The following SEMA3F variants were observed in gnomAD, a reference collection of about 807,000 sequenced individuals.
SEMA3F encodes semaphorin 3F, also known as semaphorin-3F.
SEMA3F carries 30 observed loss-of-function variants against 98.5 expected under a neutral mutation model. That is an observed-to-expected ratio of 0.30 (90% confidence interval 0.23 to 0.41). The LOEUF (loss-of-function observed/expected upper bound fraction) is 0.41. Among genes scored for constraint, SEMA3F ranks in the 10% least tolerant of loss-of-function variants. SEMA3F has a pLI of 1.00. For missense variants in SEMA3F, 866 were observed against 1,119.3 expected (o/e 0.77, Z 3.23); for synonymous variants, 380 against 444.8 (o/e 0.85, Z 1.83).
chr3:50,171,520 C>G (rs1698603718), intron 2 of SEMA3F, among the ~76,000 whole-genome samples: 1 of 152,124 alleles, frequency 6.6e-6, no homozygotes. Context: ...CCATTGCCCC[C>G]AAAGTGCCCC....
In SEMA3F at chr3:50,186,306, C is replaced by T. The variant is rs755837175; in HGVS notation, c.1771C>T (p.His591Tyr). Reference protein sequence around the residue: ...KRRSRRQDVRHGNPIRQCRGF... With the variant: ...KRRSRRQDVRYGNPIRQCRGF... ...GCGGAGCCGCCGGCAGGACGTCCGG[C>T]ACGGAAACCCCATCAGGCAGTGCCG... The change falls in exon 17 of 19, where the codon CAC becomes TAC. Residue 591 changes from histidine to tyrosine, a missense_variant. Physicochemically the swap from His to Tyr is moderately conservative, Grantham distance 83. Transcript: ENST00000002829. 3.1e-6 allele frequency: 5 copies of T among 1,613,772 alleles called. No individual in the cohort carries two copies. The East Asian group carries it at 8.9e-5, about 29-fold the overall frequency.
At position 50,182,648 on chromosome 3, in the gene SEMA3F, G is replaced by A. The variant is rs373292743; in HGVS notation, c.768G>A (p.Pro256=). 24 of 1,611,634 alleles carry A rather than the reference G, an allele frequency of 1.5e-5. No individual in the cohort carries two copies. The highest frequency in any genetic ancestry group is 1.6e-4 in the Middle Eastern group (1 of 6,078). Residue 256 remains proline (P), a synonymous_variant, in exon 9 of 19, where the codon CCG becomes CCA. Transcript: ENST00000002829. The surrounding 1 kb of genome is among the most constrained non-coding windows in gnomAD (Gnocchi z 4.5). Reference sequence around the variant, plus strand: ...GCTGACCCCTGCCACCTGCAGACCCGTCGTTCATCCATGCTGAGCTCATTC... The same window carrying A: ...GCTGACCCCTGCCACCTGCAGACCCATCGTTCATCCATGCTGAGCTCATTC... ...DQYNSRWLND[P]SFIHAELIPD...
rs1300813115 is a variant in SEMA3F at position 50,156,252 on chromosome 3, G to A, written c.-49+688G>A. ...AACCAGGGGTCCCAGTGGTGAAGTG[G>A]GCAGGGGACAGCGGGGGCTTGGCGG... On this transcript the variant is annotated intron_variant, in intron 1 of 18. Transcript: ENST00000002829. This position sits in a 1 kb window ranked among gnomAD's most constrained non-coding sequence, Gnocchi z 4.5. Among the ~76,000 whole-genome samples the A allele has an allele frequency of 6.6e-6, 1 of 152,250 alleles. No homozygotes were observed. Among genetic ancestry groups the A allele is most frequent in the African/African-American group, 2.4e-5 (1 of 41,460 alleles).
At chr3:50,174,488 G>A (rs1047926760) in intron 5 of SEMA3F, 138 bp downstream of exon 5, 14 of 1,045,116 alleles carry the variant, frequency 1.3e-5, no homozygotes, top group African/African-American at 6.4e-5. Flanking sequence ...CTTTCACCTC[G>A]CTGAGCCTCA....
At chr3:50,171,017 C>T (rs1171347866) in intron 2 of SEMA3F, among the ~76,000 whole-genome samples, 2 of 152,194 alleles carry the variant, frequency 1.3e-5, no homozygotes, top group African/African-American at 4.8e-5. Context: ...AGCCATGGAC[C>T]TAGGTGGGAA....
At chr3:50,183,994 A>G (rs1699116706) in intron 12 of SEMA3F, among the ~76,000 whole-genome samples, 1 of 152,098 alleles carries the variant, frequency 6.6e-6, no homozygotes, top group African/African-American at 2.4e-5. Flanking sequence ...CTGATGTGGG[A>G]GCCTAAGCAG....
Position 50,183,221 on chromosome 3 carries a change from A to G in SEMA3F, c.1054A>G (p.Asn352Asp). 1 of 1,614,142 alleles carries G rather than the reference A, an allele frequency of 6.2e-7. No homozygotes were observed. The highest frequency in any genetic ancestry group is 8.5e-7 in the Non-Finnish European group (1 of 1,180,016). ...VFVQQTQDVR[N>D]PVIYAVFTSS... ...TGTCCAGCAGACCCAGGACGTGAGG[A>G]ACCCTGTCATTTACGCTGTCTTTAC... Residue 352 changes from asparagine to aspartate, a missense_variant, in exon 11 of 19, where the codon AAC becomes GAC. Physicochemically the swap from Asn to Asp is conservative, Grantham distance 23. Coordinates refer to ENST00000002829, the MANE Select transcript of SEMA3F (RefSeq NM_004186.5).
chr3:50,165,765 T>G (rs1698381251), intron 2 of SEMA3F, among the ~76,000 whole-genome samples: 1 of 152,188 alleles, frequency 6.6e-6, no homozygotes, highest in East Asian at 1.9e-4. Flanking sequence ...GTGCCAGAGC[T>G]TGGCAGGCCT....
At chr3:50,180,531 G>T (rs1254290703) in intron 7 of SEMA3F, among the ~76,000 whole-genome samples, 13 of 152,168 alleles carry the variant, frequency 8.5e-5, no homozygotes, top group Admixed American at 7.9e-4. Context: ...GCCATTGTGG[G>T]ATTATTAATT....
rs1242239993 is a variant in SEMA3F at position 50,186,699 on chromosome 3, A to G, written c.1900A>G (p.Thr634Ala). Reference protein sequence around the residue: ...LECQPRSPQATVKWLFQRDPG... With the variant: ...LECQPRSPQAAVKWLFQRDPG... ...GTGCCAGCCCCGCTCGCCCCAAGCC[A>G]CTGTTAAGTGGCTGTTCCAGCGAGA... is the stretch of plus-strand genomic sequence containing the variant. Residue 634 changes from threonine (T) to alanine (A), a missense_variant, in exon 18 of 19, where the codon ACT becomes GCT. Physicochemically the swap from Thr to Ala is moderately conservative, Grantham distance 58. Coordinates refer to ENST00000002829, the MANE Select transcript of SEMA3F (RefSeq NM_004186.5). 1.2e-6 allele frequency: 2 copies of G among 1,609,520 alleles called. No homozygotes were observed. The highest frequency in any genetic ancestry group is 2.7e-5 in the African/African-American group (2 of 74,840).
At chr3:50,165,333 T>G (rs895493184) in intron 2 of SEMA3F, among the ~76,000 whole-genome samples, 1 of 152,322 alleles carries the variant, frequency 6.6e-6, no homozygotes, top group Non-Finnish European at 1.5e-5. Context: ...TTAAGCTCTT[T>G]TTCCTCATGG....
In SEMA3F at chr3:50,182,814, C is replaced by A. The variant is rs1559735989; in HGVS notation, c.903+31C>A. ...CATTGGCAGAGCCACCAGGCTGCCC[C>A]TTCCACCAGTTCTGGCTTCATCAGC... On this transcript the variant is annotated intron_variant, in intron 9 of 18. Coordinates refer to ENST00000002829, the MANE Select transcript of SEMA3F (RefSeq NM_004186.5). The surrounding 1 kb of genome is among the most constrained non-coding windows in gnomAD (Gnocchi z 4.5). 4 of 1,611,466 alleles carry A rather than the reference C, an allele frequency of 2.5e-6. No homozygotes were observed. Among genetic ancestry groups the A allele is most frequent in the Non-Finnish European group, 3.4e-6 (4 of 1,178,882 alleles).
chr3:50,183,646 C>T, intron 12 of SEMA3F, 82 bp downstream of exon 12: 1 of 1,463,000 alleles, frequency 6.8e-7, no homozygotes, highest in Non-Finnish European at 9.4e-7. Context: ...ACATGGGCCC[C>T]ACCATCATGG....
At chr3:50,176,948 G>T (rs936424862) in intron 7 of SEMA3F, 87 bp downstream of exon 7, 5 of 1,104,658 alleles carry the variant, frequency 4.5e-6, no homozygotes, top group Admixed American at 1.7e-5. Flanking sequence ...TTACCCAAGG[G>T]CAGAGACCAT....
At position 50,188,292 on chromosome 3, in the gene SEMA3F, A is replaced by C; in HGVS notation, c.*177A>C. On this transcript the variant is annotated 3_prime_UTR_variant, in exon 19 of 19. Coordinates refer to ENST00000002829, the MANE Select transcript of SEMA3F (RefSeq NM_004186.5). This position sits in a 1 kb window ranked among gnomAD's most constrained non-coding sequence, Gnocchi z 4.5. Reference sequence around the variant, plus strand: ...CTGCCTCAGTGGCAGCATCCTCCAAAACTTAGACCCATGCTGGTCAGAGAC... The same window carrying C: ...CTGCCTCAGTGGCAGCATCCTCCAACACTTAGACCCATGCTGGTCAGAGAC... 1.9e-5 allele frequency: 4 copies of C among 211,424 alleles called. No homozygotes were observed. The highest frequency in any genetic ancestry group is 1.1e-4 in the East Asian group (1 of 8,756). The allele number at this position is 211,424 out of a possible 1,614,324, so 13.1% of individuals were successfully genotyped here. A position where few individuals can be genotyped will look rare whatever the true frequency, so the allele number is the denominator to read the frequency against.
In SEMA3F at chr3:50,156,308, A is replaced by G. The variant is rs1697980239; in HGVS notation, c.-49+744A>G. ...CCCCCAGCAGATGGGACAGGAGGGT[A>G]TCAAAGTTGGCCTAGGAATGAGGCA... On this transcript the variant is annotated intron_variant, in intron 1 of 18. Coordinates refer to ENST00000002829, the MANE Select transcript of SEMA3F (RefSeq NM_004186.5). The surrounding 1 kb of genome is among the most constrained non-coding windows in gnomAD (Gnocchi z 4.5). Among the ~76,000 whole-genome samples the G allele has an allele frequency of 6.6e-6, 1 of 152,212 alleles. No homozygotes were observed. The highest frequency in any genetic ancestry group is 1.9e-4 in the East Asian group (1 of 5,188).
At chr3:50,172,856 C>G (rs1005678) in intron 2 of SEMA3F, among the ~76,000 whole-genome samples, 71,614 of 152,008 alleles carry the variant, frequency 0.47, 17,573 homozygotes, top group East Asian at 0.64. Flanking sequence ...CAGAGTCTGC[C>G]GGCTGTCCCA....
At chr3:50,180,658 A>C (rs578009801) in intron 7 of SEMA3F, among the ~76,000 whole-genome samples, 38 of 152,356 alleles carry the variant, frequency 2.5e-4, no homozygotes, top group African/African-American at 8.7e-4. Flanking sequence ...TTATCGATTA[A>C]GTTCACTGTT....
rs781220615 is a variant in SEMA3F at position 50,182,738 on chromosome 3, G to A, written c.858G>A (p.Ala286=). The change falls in exon 9 of 19, where the codon GCG becomes GCA. Residue 286 remains alanine (A), a synonymous_variant. Coordinates refer to ENST00000002829, the MANE Select transcript of SEMA3F (RefSeq NM_004186.5). The surrounding 1 kb of genome is among the most constrained non-coding windows in gnomAD (Gnocchi z 4.5). ...YFFFRERSAE[A]PQSPAVYARI... is the part of the protein sequence containing the mutation. ...TCTTCCGTGAGCGGTCGGCAGAGGC[G>A]CCGCAGAGCCCCGCGGTGTACGCCC... 7.4e-6 allele frequency: 12 copies of A among 1,613,180 alleles called. No individual in the cohort carries two copies. Among genetic ancestry groups the A allele is most frequent in the African/African-American group, 4.0e-5 (3 of 74,954 alleles).
Sources: gnomAD v4.1 joint callset for allele counts (sites outside exome capture counted in the v4.1 genomes callset) on GRCh38, gnomAD v4.1.1 for gene constraint, Gnocchi (gnomAD v3.1) non-coding constraint, MANE v1.5 for transcripts, NCBI Gene and HGNC (gene_info 2026-07-23, HGNC 2026-07-21) for gene names.